Variants in VPS11 observed in about 807,000 individuals in gnomAD.
VPS11 encodes VPS11 core subunit of CORVET and HOPS complexes, also known as vacuolar protein sorting-associated protein 11 homolog.
In VPS11, 51 loss-of-function variants were observed where a neutral mutation model predicts 106.8. The ratio of observed to expected loss-of-function variants is 0.48; its 90% CI spans 0.38 to 0.60. The LOEUF (loss-of-function observed/expected upper bound fraction) is 0.60, where lower values mean the gene tolerates loss of function less well. Ranked by LOEUF, VPS11 falls within the 20% of genes least tolerant of loss-of-function variation. The pLI is 0.00. For missense variants in VPS11, 950 were observed against 1,190.0 expected (o/e 0.80, Z 2.97); for synonymous variants, 453 against 458.7 (o/e 0.99, Z 0.16).
At chr11:119,068,218 T>G (rs2133641322) in intron 1 of VPS11, 2 of 483,096 alleles carry the variant, frequency 4.1e-6, no homozygotes, top group African/African-American at 4.0e-5. Flanking sequence ...TCATTTAACC[T>G]CTCTGGGTTT....
chr11:119,076,833 C>G (rs1945638161), intron 7 of VPS11, 64 bp from the exon 8 acceptor site: 1 of 1,563,040 alleles, frequency 6.4e-7, no homozygotes. Context: ...GCAAGTGATT[C>G]CTGTGTACAT....
intron 4 of VPS11, chr11:119,070,613 T>TTTC (rs1945343765): frequency 7.4e-6 from 3 of 407,488 alleles, no homozygotes; most frequent in Non-Finnish European, 1.2e-5. Flanking sequence ...TTTTCTTTCT[T>TTTC]TTTTTTTTTT....
chr11:119,079,988 G>A (rs891136689), intron 14 of VPS11, among the ~76,000 whole-genome samples: 3 of 152,304 alleles, frequency 2.0e-5, no homozygotes, highest in Middle Eastern at 3.4e-3. Context: ...ATTCTGAACA[G>A]CACAGGCAAA....
intron 4 of VPS11, 134 bp from the exon 5 acceptor site, chr11:119,071,462 G>T: frequency 8.9e-7 from 1 of 1,125,548 alleles, no homozygotes; most frequent in Non-Finnish European, 1.2e-6. Flanking sequence ...TAATGAAGAA[G>T]GCCAGCAGCC....
At chr11:119,077,232 C>G in intron 8 of VPS11, 149 bp downstream of exon 8, 1 of 1,108,716 alleles carries the variant, frequency 9.0e-7, no homozygotes. Flanking sequence ...TCGGTGCCAT[C>G]TCCCCTCTTG....
chr11:119,074,591 G>T (rs1427669663), intron 7 of VPS11, among the ~76,000 whole-genome samples: 2 of 151,912 alleles, frequency 1.3e-5, no homozygotes, highest in African/African-American at 4.8e-5. Context: ...TTTTAGTAGA[G>T]ACGGGGTTTC....
In VPS11 at chr11:119,068,443, C is replaced by CTTTTTTTT. The variant is rs1945208004; in HGVS notation, c.187+433_187+434insTTTTTTTT. 4.0e-3 allele frequency among the ~76,000 whole-genome samples: 143 copies of CTTTTTTTT among 35,798 alleles called. 21 individuals are homozygous for CTTTTTTTT. Among genetic ancestry groups the CTTTTTTTT allele is most frequent in the Non-Finnish European group, 6.5e-3 (80 of 12,238 alleles). The allele number at this position is 35,798 out of a possible 152,430, so 23.5% of individuals were successfully genotyped here. A position where few individuals can be genotyped will look rare whatever the true frequency, so the allele number is the denominator to read the frequency against. On this transcript the variant is annotated intron_variant, in intron 1 of 15. Coordinates refer to ENST00000621676, the MANE Select transcript of VPS11 (RefSeq NM_021729.6). Reference sequence around the variant, plus strand: ...CTGCTACTAAATTCTGGCCTTTTTACCTTTTTTTTTTTTTTTTTTTTTTTG... The same window carrying CTTTTTTTT: ...CTGCTACTAAATTCTGGCCTTTTTACTTTTTTTTCTTTTTTTTTTTTTTTTTTTTTTTG...
At chr11:119,071,899 G>A (rs782617715) in intron 5 of VPS11, 56 bp downstream of exon 5, 137 of 1,573,196 alleles carry the variant, frequency 8.7e-5, no homozygotes, top group African/African-American at 1.2e-4. Flanking sequence ...CCCAGAATCC[G>A]CCTGATTTTA....
chr11:119,078,919 A>T lies in VPS11; in HGVS notation c.2188A>T (p.Lys730Ter). 1 of 1,614,050 alleles carries T rather than the reference A, an allele frequency of 6.2e-7. No homozygotes were observed. The highest frequency in any genetic ancestry group is 8.5e-7 in the Non-Finnish European group (1 of 1,179,902). ...GCAGGCCCTCAGCTACTTCGCTCGC[A>T]AGGAGGAGGACTGCAAGGAGTATGT... ...WEQALSYFAR[K>*]EEDCKEYVAA... is the part of the protein sequence containing the mutation. Residue 730 changes from lysine (K) to a stop codon, truncating the protein, a stop_gained, in exon 13 of 16, where the codon AAG (lysine) becomes TAG (stop). Transcript: ENST00000621676. LOFTEE classifies it high-confidence loss of function.
intron 14 of VPS11, among the ~76,000 whole-genome samples, chr11:119,079,821 G>A (rs55836308): frequency 0.045 from 6,809 of 151,780 alleles, 498 homozygotes; most frequent in African/African-American, 0.15. Context: ...GTGATCCTCC[G>A]GCCTTGACCT....
intron 5 of VPS11, chr11:119,072,936 A>G: frequency 4.1e-6 from 2 of 487,852 alleles, no homozygotes; most frequent in South Asian, 4.5e-5. Context: ...TTGGATTATT[A>G]TTTTCTAAAT....
At position 119,078,875 on chromosome 11, in the gene VPS11, A is replaced by G. The variant is rs782168344; in HGVS notation, c.2144A>G (p.Gln715Arg). The change falls in exon 13 of 16, where the codon CAG becomes CGG. Residue 715 changes from glutamine to arginine, a missense_variant. Coordinates refer to ENST00000621676, the MANE Select transcript of VPS11 (RefSeq NM_021729.6). ...AGCGTGTGTGAGCGCCATGGGGAGC[A>G]GGACCCCTCCTTGTGGGAGCAGGCC... The part of the protein sequence containing the change: ...VISVCERHGE[Q>R]DPSLWEQALS... 7.4e-6 allele frequency: 12 copies of G among 1,614,018 alleles called. No homozygotes were observed. The highest frequency in any genetic ancestry group is 1.0e-5 in the Non-Finnish European group (12 of 1,179,890).
At position 119,077,940 on chromosome 11, in the gene VPS11, G is replaced by C; in HGVS notation, c.1635G>C (p.Met545Ile). ...KLPFEQAESN[M>I]KRYGKILMHH... ...CTTTTGAGCAGGCAGAGAGCAACAT[G>C]AAGCGCTACGGCAAGATCCTCATGC... Residue 545 changes from methionine to isoleucine, a missense_variant, in exon 10 of 16, where the codon ATG becomes ATC. Transcript: ENST00000621676. 6.2e-7 allele frequency: 1 copy of C among 1,614,038 alleles called. No homozygotes were observed. Among genetic ancestry groups the C allele is most frequent in the Non-Finnish European group, 8.5e-7 (1 of 1,179,900 alleles).
Position 119,069,492 on chromosome 11 carries a change from T to G in VPS11, c.387T>G (p.Thr129=), listed in dbSNP as rs1592177784. The change falls in exon 3 of 16, where the codon ACT becomes ACG. Residue 129 remains threonine, a synonymous_variant. Coordinates refer to ENST00000621676, the MANE Select transcript of VPS11 (RefSeq NM_021729.6). The part of the protein sequence containing the change: ...EKRDGGNPLC[T]RIFPAIPGTE... ...GAGATGGTGGCAATCCACTCTGCAC[T>G]CGAATCTTCCCTGCTATTCCAGGAA... The G allele has an allele frequency of 6.2e-7, 1 of 1,613,896 alleles. No homozygotes were observed. The highest frequency in any genetic ancestry group is 8.5e-7 in the Non-Finnish European group (1 of 1,179,910).
chr11:119,075,234 T>A (rs1945559902), intron 7 of VPS11, among the ~76,000 whole-genome samples: 1 of 151,622 alleles, frequency 6.6e-6, no homozygotes, highest in Non-Finnish European at 1.5e-5. Context: ...ACCACTGCAC[T>A]CCAGCCTGGG....
intron 6 of VPS11, 195 bp downstream of exon 6, chr11:119,073,594 C>T (rs945835694): frequency 2.3e-6 from 2 of 874,016 alleles, no homozygotes; most frequent in East Asian, 2.7e-5. Flanking sequence ...GAGCCTGAGC[C>T]CACTCTAAGG....
rs782736414 is a variant in VPS11 at position 119,081,522 on chromosome 11, A to G, written c.2725A>G (p.Lys909Glu). 2 of 1,614,032 alleles carry G rather than the reference A, an allele frequency of 1.2e-6. No individual in the cohort carries two copies. The highest frequency in any genetic ancestry group is 1.7e-6 in the Non-Finnish European group (2 of 1,179,898). The change falls in exon 16 of 16, where the codon AAA (lysine) becomes GAA (glutamate). Residue 909 changes from lysine (K) to glutamate (E), a missense_variant. Around this residue, in one of 3 missense-constraint regions of VPS11, gnomAD observed 453 missense variants for 514.6 expected, o/e 0.88. Transcript: ENST00000621676. Reference sequence around the variant, plus strand: ...CTACTTTGGCAGAGGTGTTTTCAACAAATTGACTCTGCTGACCGACCCTCC... The same window carrying G: ...CTACTTTGGCAGAGGTGTTTTCAACGAATTGACTCTGCTGACCGACCCTCC... The part of the protein sequence containing the change: ...ADYFGRGVFN[K>E]LTLLTDPPTA...
At position 119,077,994 on chromosome 11, in the gene VPS11, G is replaced by A. The variant is rs782450511; in HGVS notation, c.1689G>A (p.Leu563=). The part of the protein sequence containing the change: ...MHHIPEQTTQ[L]LKGLCTDYRP... ...ACATACCAGAGCAGACAACTCAGTT[G>A]CTGAAGGGACTTTGTACTGATTATC... The change falls in exon 10 of 16, where the codon TTG becomes TTA. Residue 563 remains leucine, a synonymous_variant. Coordinates refer to ENST00000621676, the MANE Select transcript of VPS11 (RefSeq NM_021729.6). 6.2e-7 allele frequency: 1 copy of A among 1,613,812 alleles called. No individual in the cohort carries two copies. The highest frequency in any genetic ancestry group is 1.1e-5 in the South Asian group (1 of 91,088).
At position 119,077,662 on chromosome 11, in the gene VPS11, C is replaced by T; in HGVS notation, c.1572+15C>T. ...AAGACATTAAGGTAGGTGAGACTGT[C>T]TTTTTTCCCCAAGAGACAGGGTCTC... On this transcript the variant is annotated intron_variant, in intron 9 of 15. Transcript: ENST00000621676. 1.3e-6 allele frequency: 2 copies of T among 1,574,816 alleles called. No individual in the cohort carries two copies. The highest frequency in any genetic ancestry group is 1.7e-6 in the Non-Finnish European group (2 of 1,159,942).
Sources: gnomAD v4.1 joint callset for allele counts (sites outside exome capture counted in the v4.1 genomes callset) on GRCh38, gnomAD v4.1.1 for gene constraint, gnomAD v4.1.1 regional missense constraint, MANE v1.5 for transcripts, NCBI Gene and HGNC (gene_info 2026-07-23, HGNC 2026-07-21) for gene names.